Variants in PPP2R2A observed in about 807,000 individuals in gnomAD.
PPP2R2A encodes protein phosphatase 2 regulatory subunit Balpha, also known as serine/threonine-protein phosphatase 2A 55 kDa regulatory subunit B alpha isoform.
A neutral mutation model predicts 53.2 loss-of-function variants in PPP2R2A; 9 were observed. That is an observed-to-expected ratio of 0.17 (90% CI 0.10 to 0.30). The LOEUF is 0.30. Ranked by LOEUF, PPP2R2A falls within the 10% of genes least tolerant of loss-of-function variation. PPP2R2A has a pLI of 1.00. For missense variants in PPP2R2A, 235 were observed against 534.6 expected (o/e 0.44, Z 5.53); for synonymous variants, 169 against 174.2 (o/e 0.97, Z 0.23).
chr8:26,354,635 T>C lies in PPP2R2A; in HGVS notation c.346+2T>C. 6.3e-7 allele frequency: 1 copy of C among 1,590,124 alleles called. No homozygotes were observed. The highest frequency in any genetic ancestry group is 8.6e-7 in the Non-Finnish European group (1 of 1,166,810). ...CTCAGTTTTTATTGTCTACCAATGG[T>C]AAGTATACATATTTTCTTTCCATGT... On this transcript the variant is annotated splice_donor_variant, in intron 4 of 9. Transcript: ENST00000380737. LOFTEE classifies it high-confidence loss of function. This position sits in a 1 kb window ranked among gnomAD's most constrained non-coding sequence, Gnocchi z 4.6.
chr8:26,304,929 A>G (rs1159044654), intron 2 of PPP2R2A, among the ~76,000 whole-genome samples: 1 of 152,230 alleles, frequency 6.6e-6, no homozygotes, highest in Non-Finnish European at 1.5e-5. Context: ...TGCATATTAT[A>G]GAAAACATAT....
At chr8:26,333,615 G>A in intron 2 of PPP2R2A, 5 of 918,580 alleles carry the variant, frequency 5.4e-6, no homozygotes, top group Non-Finnish European at 6.9e-6. Flanking sequence ...GTCTTTTAAT[G>A]GATAGTAATT....
At chr8:26,308,645 A>G (rs1201716176) in intron 2 of PPP2R2A, among the ~76,000 whole-genome samples, 3 of 152,060 alleles carry the variant, frequency 2.0e-5, no homozygotes, top group East Asian at 1.9e-4. Context: ...GTTACTTCCT[A>G]CATGGAAGTC....
At position 26,338,082 on chromosome 8, in the gene PPP2R2A, C is replaced by T. The variant is rs111329297; in HGVS notation, c.83-808C>T. 0.019 allele frequency among the ~76,000 whole-genome samples: 2,919 copies of T among 152,234 alleles called. 90 individuals are homozygous for T. The highest frequency in any genetic ancestry group is 0.067 in the African/African-American group (2,791 of 41,526). On this transcript the variant is annotated intron_variant, in intron 2 of 9. Transcript: ENST00000380737. This position sits in a 1 kb window ranked among gnomAD's most constrained non-coding sequence, Gnocchi z 4.5. ...GCACATGATAGGGGCTTTTCTAATTCAGCTTAATGCTTTATAGTGAAGAAC... is the reference window on the plus strand; with the variant it reads ...GCACATGATAGGGGCTTTTCTAATTTAGCTTAATGCTTTATAGTGAAGAAC...
At chr8:26,292,520 G>C (rs1801346390) in intron 1 of PPP2R2A, 22 of 874,714 alleles carry the variant, frequency 2.5e-5, no homozygotes, top group South Asian at 5.2e-5. Context: ...TTTCCCAAAA[G>C]GGTTTGGTAG....
intron 9 of PPP2R2A, among the ~76,000 whole-genome samples, chr8:26,369,763 T>C (rs1805575628): frequency 6.6e-6 from 1 of 152,214 alleles, no homozygotes; most frequent in Non-Finnish European, 1.5e-5. Context: ...GCGGGGTTCT[T>C]TTGTTTTAGA....
chr8:26,337,268 C>G lies in PPP2R2A; in HGVS notation c.83-1622C>G, dbSNP rs187863475. ...GATGGTTAGGCTAAAAAAAACCCAGCAAATTATCAATGCTGTAGGGAAAAT... is the reference window on the plus strand; with the variant it reads ...GATGGTTAGGCTAAAAAAAACCCAGGAAATTATCAATGCTGTAGGGAAAAT... On this transcript the variant is annotated intron_variant, in intron 2 of 9. Transcript: ENST00000380737. Among the ~76,000 whole-genome samples the G allele has an allele frequency of 3.1e-3, 469 of 152,248 alleles. 1 individual carries two copies. The highest frequency in any genetic ancestry group is 0.011 in the African/African-American group (449 of 41,540).
chr8:26,359,814 G>A (rs1804986675), intron 4 of PPP2R2A, among the ~76,000 whole-genome samples: 2 of 152,164 alleles, frequency 1.3e-5, no homozygotes, highest in South Asian at 2.1e-4. Flanking sequence ...ATTCAGTACT[G>A]AACATGTATA....
chr8:26,330,476 C>T (rs1162510226), intron 2 of PPP2R2A, among the ~76,000 whole-genome samples: 3 of 151,692 alleles, frequency 2.0e-5, no homozygotes, highest in South Asian at 2.1e-4. Context: ...CGCAGGAGCA[C>T]GCTACAGCAC....
At chr8:26,292,026 G>A (rs374491008) in intron 1 of PPP2R2A, 200 bp downstream of exon 1, 9 of 1,225,300 alleles carry the variant, frequency 7.3e-6, no homozygotes, top group Non-Finnish European at 8.3e-6. Flanking sequence ...CACTGGGCTT[G>A]GAGAACGGGG....
chr8:26,347,592 A>G (rs929642906), intron 3 of PPP2R2A, among the ~76,000 whole-genome samples: 1 of 152,082 alleles, frequency 6.6e-6, no homozygotes, highest in Non-Finnish European at 1.5e-5. Flanking sequence ...CATTATATTA[A>G]TTGTATTTTA....
intron 2 of PPP2R2A, among the ~76,000 whole-genome samples, chr8:26,302,396 ATG>A (rs2117204616): frequency 6.6e-6 from 1 of 152,366 alleles, no homozygotes; most frequent in South Asian, 2.1e-4. Flanking sequence ...TTTTGATACT[ATG>A]TAATGTGTTA....
rs1271250328 is a variant in PPP2R2A at position 26,313,565 on chromosome 8, T to TA, written c.82+19826dup. 4.6e-5 allele frequency among the ~76,000 whole-genome samples: 7 copies of TA among 152,318 alleles called. No homozygotes were observed. In the South Asian group the frequency reaches 1.2e-3, roughly 27 times the overall value. The stretch of plus-strand genomic sequence containing the variant: ...CCTAATCTCTGGAACCTGTGACTGT[T>TA]ACCTTATATGGCAAAAGGACTTGCA... On this transcript the variant is annotated intron_variant, in intron 2 of 9. Transcript: ENST00000380737.
intron 9 of PPP2R2A, among the ~76,000 whole-genome samples, chr8:26,369,607 T>C (rs1302594305): frequency 6.6e-6 from 1 of 152,208 alleles, no homozygotes; most frequent in African/African-American, 2.4e-5. Context: ...TTAGCCAGAA[T>C]GGTCTCGATC....
chr8:26,301,093 AGGT>A (rs1285942371), intron 2 of PPP2R2A, among the ~76,000 whole-genome samples: 1 of 152,174 alleles, frequency 6.6e-6, no homozygotes, highest in Non-Finnish European at 1.5e-5. Flanking sequence ...AATCTTGAGC[AGGT>A]GGTGAAGCTG....
In PPP2R2A at chr8:26,360,858, T is replaced by C. The variant is rs1301659776; in HGVS notation, c.460-116T>C. 4 of 980,258 alleles carry C rather than the reference T, an allele frequency of 4.1e-6. No homozygotes were observed. Among genetic ancestry groups the C allele is most frequent in the African/African-American group, 1.7e-5 (1 of 58,814 alleles). The allele number at this position is 980,258 out of a possible 1,614,324, so 60.7% of individuals were successfully genotyped here. The stretch of plus-strand genomic sequence containing the variant: ...GTTGCTTTTTAAAACTAAATCTATG[T>C]AATATTGTTCTATTTTATGTTCTCA... On this transcript the variant is annotated intron_variant, in intron 5 of 9. Coordinates refer to ENST00000380737, the MANE Select transcript of PPP2R2A (RefSeq NM_002717.4). This position sits in a 1 kb window ranked among gnomAD's most constrained non-coding sequence, Gnocchi z 4.5.
chr8:26,359,373 C>T (rs994534248), intron 4 of PPP2R2A, among the ~76,000 whole-genome samples: 5 of 152,134 alleles, frequency 3.3e-5, no homozygotes, highest in African/African-American at 7.2e-5. Flanking sequence ...TATACAAAGT[C>T]GACGTCTTAG....
At chr8:26,331,531 A>G (rs1316678216) in intron 2 of PPP2R2A, among the ~76,000 whole-genome samples, 8 of 152,090 alleles carry the variant, frequency 5.3e-5, no homozygotes, top group Non-Finnish European at 1.0e-4. Flanking sequence ...TGTCTTTTTT[A>G]CTGAAATATA....
chr8:26,291,569 T>TCGCTGTCGTAGTCGCCGCCGC lies in PPP2R2A; in HGVS notation c.-245_-225dup. 2 of 527,632 alleles carry TCGCTGTCGTAGTCGCCGCCGC rather than the reference T, an allele frequency of 3.8e-6. No homozygotes were observed. The highest frequency in any genetic ancestry group is 6.7e-6 in the Non-Finnish European group (2 of 297,982). The allele number at this position is 527,632 out of a possible 1,614,324, so 32.7% of individuals were successfully genotyped here. A position where few individuals can be genotyped will look rare whatever the true frequency, so the allele number is the denominator to read the frequency against. On this transcript the variant is annotated 5_prime_UTR_variant, in exon 1 of 10. Coordinates refer to ENST00000380737, the MANE Select transcript of PPP2R2A (RefSeq NM_002717.4). ...GCCCCTGCCGCTGCCGCCGCCGCCG[T>TCGCTGTCGTAGTCGCCGCCGC]CGCTGTCGTAGTCGCCGCCGCCGCT...
Sources: allele counts gnomAD v4.1 joint callset (sites outside exome capture counted in the v4.1 genomes callset), GRCh38; gene constraint gnomAD v4.1.1; non-coding constraint Gnocchi (gnomAD v3.1); transcripts MANE v1.5; gene names NCBI Gene and HGNC (gene_info 2026-07-23, HGNC 2026-07-21).